DPY19L3: variants seen among roughly 807,000 people sequenced by gnomAD.
DPY19L3 encodes dpy-19 like C-mannosyltransferase 3.
DPY19L3 carries 51 observed loss-of-function variants against 92.3 expected under a neutral mutation model. The observed-to-expected ratio is 0.55, with a 90% CI of 0.44 to 0.70. The LOEUF is 0.70. DPY19L3 is among the 30% of genes least tolerant of loss of function. The pLI, the probability that DPY19L3 is intolerant of heterozygous loss-of-function variation, is 0.00. For missense variants in DPY19L3, 706 were observed against 855.9 expected (o/e 0.82, Z 2.18); for synonymous variants, 309 against 315.2 (o/e 0.98, Z 0.21).
chr19:32,445,110 C>T (rs1472888983), intron 8 of DPY19L3, among the ~76,000 whole-genome samples: 2 of 149,656 alleles, frequency 1.3e-5, no homozygotes, highest in Non-Finnish European at 3.0e-5. Context: ...CAATGGAGGC[C>T]AAAAGGAAGT....
rs150144898 is a variant in DPY19L3, at chr19:32,464,737, A to G, written c.1567A>G (p.Met523Val). Residue 523 changes from methionine (M) to valine (V), a missense_variant, in exon 15 of 19, where the codon ATG becomes GTG. Physicochemically the swap from Met to Val is conservative, Grantham distance 21. Coordinates refer to ENST00000392250, the MANE Select transcript of DPY19L3 (RefSeq NM_001172774.2). ...HLYNPKRICI[M>V]RYSVPILILL... ...TGTCTTTCTTATATAGATATGTATA[A>G]TGCGATATTCAGTACCGATATTAAT... is the stretch of plus-strand genomic sequence containing the variant. 7 of 1,506,632 alleles carry G rather than the reference A, an allele frequency of 4.6e-6. No homozygotes were observed. The African/African-American group carries it at 8.5e-5, about 18-fold the overall frequency. 93.3% of individuals were successfully genotyped at this position (1,506,632 alleles called of 1,614,324 possible).
rs148679995 is a variant in DPY19L3, at chr19:32,483,853, A to G, written c.*1613A>G. 71 of 152,784 alleles carry G rather than the reference A, an allele frequency of 4.6e-4. 1 individual carries two copies. The highest frequency in any genetic ancestry group is 1.7e-3 in the African/African-American group (69 of 41,588). The allele number at this position is 152,784 out of a possible 1,614,324, so 9.5% of individuals were successfully genotyped here. A position where few individuals can be genotyped will look rare whatever the true frequency, so the allele number is the denominator to read the frequency against. On this transcript the variant is annotated 3_prime_UTR_variant, in exon 19 of 19. Coordinates refer to ENST00000392250, the MANE Select transcript of DPY19L3 (RefSeq NM_001172774.2). ...CAGTACTAAAACTTTAATTAAGCCA[A>G]TAATGATGCATGCCTGTTGTAGCTG...
intron 12 of DPY19L3, among the ~76,000 whole-genome samples, chr19:32,459,728 C>T (rs1480178790): frequency 6.6e-6 from 1 of 152,122 alleles, no homozygotes; most frequent in Non-Finnish European, 1.5e-5. Flanking sequence ...ATCTATGAGC[C>T]ATCTCTGGAG....
chr19:32,432,844 AT>A, intron 4 of DPY19L3, 38 bp downstream of exon 4: 2 of 1,580,156 alleles, frequency 1.3e-6, no homozygotes, highest in Non-Finnish European at 8.7e-7. Flanking sequence ...GGTCTCCTGC[AT>A]TTTTTTCAAT....
chr19:32,465,094 AAGT>A (rs1970161456), intron 15 of DPY19L3, among the ~76,000 whole-genome samples: 7 of 152,244 alleles, frequency 4.6e-5, no homozygotes, highest in Admixed American at 4.6e-4. Context: ...TTTGAAATGA[AAGT>A]AGGAAAATTA....
At chr19:32,435,616 G>T (rs143309105) in intron 4 of DPY19L3, among the ~76,000 whole-genome samples, 170 of 152,330 alleles carry the variant, frequency 1.1e-3, no homozygotes, top group Non-Finnish European at 1.8e-3. Flanking sequence ...TAATCTCACA[G>T]AGTGTATTGT....
chr19:32,454,882 T>G, intron 9 of DPY19L3, 57 bp from the exon 10 acceptor site: 1 of 1,126,764 alleles, frequency 8.9e-7, no homozygotes, highest in Non-Finnish European at 1.3e-6. Context: ...TCATCTTCAG[T>G]GTTTATGAAG....
intron 16 of DPY19L3, among the ~76,000 whole-genome samples, chr19:32,476,450 G>A (rs543473569): frequency 1.3e-4 from 19 of 149,248 alleles, no homozygotes; most frequent in Admixed American, 2.7e-4. Context: ...CTGCACTCAG[G>A]AGAATCCCCA....
At chr19:32,470,421 CA>C in intron 16 of DPY19L3, among the ~76,000 whole-genome samples, 1 of 152,146 alleles carries the variant, frequency 6.6e-6, no homozygotes, top group Non-Finnish European at 1.5e-5. Flanking sequence ...TTTCTGGTAG[CA>C]TGCTGAAGGT....
intron 15 of DPY19L3, chr19:32,467,716 A>G (rs547499498): frequency 8.1e-6 from 8 of 987,234 alleles, no homozygotes; most frequent in East Asian, 1.1e-4. Context: ...TTGGTCTTCT[A>G]TGCTAATATG....
chr19:32,471,354 C>T (rs1970352292), intron 16 of DPY19L3, among the ~76,000 whole-genome samples: 1 of 152,230 alleles, frequency 6.6e-6, no homozygotes, highest in Non-Finnish European at 1.5e-5. Flanking sequence ...AAAGCAGACA[C>T]ACTCAAATGT....
At chr19:32,427,958 G>A (rs1162163482) in intron 3 of DPY19L3, 1 of 135,304 alleles carries the variant, frequency 7.4e-6, no homozygotes, top group Non-Finnish European at 1.6e-5. Context: ...GACAATTTTT[G>A]TAAACAAATC....
chr19:32,437,664 G>A (rs1295957056), intron 6 of DPY19L3, among the ~76,000 whole-genome samples: 1 of 151,748 alleles, frequency 6.6e-6, no homozygotes, highest in Non-Finnish European at 1.5e-5. Context: ...TTTTTAAATT[G>A]GCAAATAATA....
intron 15 of DPY19L3, chr19:32,467,651 T>G: frequency 3.0e-6 from 3 of 987,610 alleles, no homozygotes; most frequent in Non-Finnish European, 3.6e-6. Flanking sequence ...CTACTAGTGG[T>G]TCTTAAATAA....
chr19:32,439,874 C>A lies in DPY19L3; in HGVS notation c.819C>A (p.Phe273Leu). 6.2e-7 allele frequency: 1 copy of A among 1,613,860 alleles called. No individual in the cohort carries two copies. Among genetic ancestry groups the A allele is most frequent in the South Asian group, 1.1e-5 (1 of 91,042 alleles). The change falls in exon 8 of 19, where the codon TTC becomes TTA. Residue 273 changes from phenylalanine (F) to leucine (L), a missense_variant. Phe to Leu is a conservative substitution (Grantham distance 22). Coordinates refer to ENST00000392250, the MANE Select transcript of DPY19L3 (RefSeq NM_001172774.2). ...TGCTGATGCAAGCATTAGTGCTGTT[C>A]ACACTGGACTCCCTGGACATGCTGC... ...FMMLMQALVL[F>L]TLDSLDMLPA...
intron 8 of DPY19L3, among the ~76,000 whole-genome samples, chr19:32,449,516 C>A (rs1460144697): frequency 6.6e-6 from 1 of 152,016 alleles, no homozygotes; most frequent in African/African-American, 2.4e-5. Flanking sequence ...TTTCCAATTA[C>A]AAAACTTACT....
At chr19:32,412,558 A>T (rs890061224) in intron 3 of DPY19L3, 1 of 151,762 alleles carries the variant, frequency 6.6e-6, no homozygotes, top group African/African-American at 2.4e-5. Flanking sequence ...ACTATCTAAT[A>T]CTCTGTGCAA....
intron 3 of DPY19L3, among the ~76,000 whole-genome samples, chr19:32,421,824 TGCTAG>T (rs1305144290): frequency 6.6e-6 from 1 of 151,882 alleles, no homozygotes; most frequent in Non-Finnish European, 1.5e-5. Context: ...AAGAACAGCA[TGCTAG>T]GCAGGCCAGA....
chr19:32,420,034 A>G (rs1415805898), intron 3 of DPY19L3, among the ~76,000 whole-genome samples: 2 of 150,452 alleles, frequency 1.3e-5, no homozygotes, highest in African/African-American at 4.9e-5. Flanking sequence ...TAATTTTTGT[A>G]TTTTTAGTGG....
Sources: gnomAD v4.1 joint callset for allele counts (sites outside exome capture counted in the v4.1 genomes callset) on GRCh38, gnomAD v4.1.1 for gene constraint, MANE v1.5 for transcripts, NCBI Gene and HGNC (gene_info 2026-07-23, HGNC 2026-07-21) for gene names.